SUSD6: variants seen among roughly 807,000 people sequenced by gnomAD.
SUSD6 encodes sushi domain-containing protein 6.
SUSD6 carries 16 observed loss-of-function variants against 28.4 expected under a neutral mutation model. That is an observed-to-expected ratio of 0.56 (90% CI 0.38 to 0.86). The LOEUF (loss-of-function observed/expected upper bound fraction) is 0.86. Among genes scored for constraint, SUSD6 ranks in the 40% least tolerant of loss-of-function variants. The probability of loss-of-function intolerance (pLI) is 0.00; values close to 1 mark genes in which losing one functional copy is unlikely to be tolerated. For missense variants in SUSD6, 341 were observed against 384.2 expected (o/e 0.89, Z 0.94); for synonymous variants, 147 against 159.6 (o/e 0.92, Z 0.59).
At chr14:69,627,116 G>A (rs1395751121) in intron 1 of SUSD6, among the ~76,000 whole-genome samples, 1 of 152,186 alleles carries the variant, frequency 6.6e-6, no homozygotes, top group Admixed American at 6.5e-5. Flanking sequence ...CATTGGAAAA[G>A]AAACCCTCCC....
chr14:69,622,731 T>C (rs921417157), intron 1 of SUSD6, among the ~76,000 whole-genome samples: 3 of 152,056 alleles, frequency 2.0e-5, no homozygotes, highest in Admixed American at 6.5e-5. Flanking sequence ...GTAGCTGGGA[T>C]TACAGGCGCC....
intron 2 of SUSD6, among the ~76,000 whole-genome samples, chr14:69,701,545 G>C (rs1205181897): frequency 6.6e-6 from 1 of 152,236 alleles, no homozygotes; most frequent in Non-Finnish European, 1.5e-5. Flanking sequence ...GGCTAAAGCA[G>C]TTTGCGGAGG....
Position 69,672,509 on chromosome 14 carries a change from C to A in SUSD6, c.121+13796C>A, listed in dbSNP as rs908890480. Reference sequence around the variant, plus strand: ...AAAGAACAGGGAAGCAGAGAGGGGGCTGGCAGATTTCTTCATTCTGTCCTA... The same window carrying A: ...AAAGAACAGGGAAGCAGAGAGGGGGATGGCAGATTTCTTCATTCTGTCCTA... On this transcript the variant is annotated intron_variant, in intron 2 of 5. Coordinates refer to ENST00000342745, the MANE Select transcript of SUSD6 (RefSeq NM_014734.4). Among the ~76,000 whole-genome samples, 11 of 152,272 alleles carry A rather than the reference C, an allele frequency of 7.2e-5. No homozygotes were observed. In the South Asian group the frequency reaches 2.3e-3, roughly 32 times the overall value.
rs1377420132 is a variant in SUSD6, at chr14:69,714,221, G to A, written c.*3242G>A. 6.6e-6 allele frequency: 1 copy of A among 152,180 alleles called. No homozygotes were observed. Among genetic ancestry groups the A allele is most frequent in the African/African-American group, 2.4e-5 (1 of 41,426 alleles). 9.4% of individuals were successfully genotyped at this position (152,180 alleles called of 1,614,324 possible). ...CTCCTCCCGCCAGCTTTAAAGTTCA[G>A]TGGAGAAGCCAGATGGCAATTCAGA... On this transcript the variant is annotated 3_prime_UTR_variant, in exon 6 of 6. Coordinates refer to ENST00000342745, the MANE Select transcript of SUSD6 (RefSeq NM_014734.4).
chr14:69,635,607 AC>A (rs1885253758), intron 1 of SUSD6, among the ~76,000 whole-genome samples: 1 of 120,628 alleles, frequency 8.3e-6, no homozygotes, highest in Non-Finnish European at 1.9e-5. Context: ...ACACACACAC[AC>A]ACACACACAC....
rs137958140 is a variant in SUSD6 at position 69,704,766 on chromosome 14, A to G, written c.458+24A>G. 75 of 1,610,746 alleles carry G rather than the reference A, an allele frequency of 4.7e-5. No homozygotes were observed. The African/African-American group carries it at 9.4e-4, about 20-fold the overall frequency. On this transcript the variant is annotated intron_variant, in intron 4 of 5. Coordinates refer to ENST00000342745, the MANE Select transcript of SUSD6 (RefSeq NM_014734.4). ...AGGTGAGTCCAGTGGCAGAGCTGAC[A>G]TGAGACAGGCAGGTGCAAGCATTAC...
Position 69,713,002 on chromosome 14 carries a change from CAG to C in SUSD6, c.*2025_*2026del, listed in dbSNP as rs1886487024. 6.6e-6 allele frequency: 1 copy of C among 152,292 alleles called. No individual in the cohort carries two copies. Among genetic ancestry groups the C allele is most frequent in the Non-Finnish European group, 1.5e-5 (1 of 68,108 alleles). 9.4% of individuals were successfully genotyped at this position (152,292 alleles called of 1,614,324 possible). On this transcript the variant is annotated 3_prime_UTR_variant, in exon 6 of 6. Transcript: ENST00000342745. ...GCAGTGCCCTTGTCTTCCTCCAAAA[CAG>C]AAAGCAGTGACAAAAGGGGGAGGGG...
At chr14:69,670,862 C>G (rs1885821435) in intron 2 of SUSD6, among the ~76,000 whole-genome samples, 1 of 152,252 alleles carries the variant, frequency 6.6e-6, no homozygotes, top group African/African-American at 2.4e-5. Context: ...CTGGGAACTT[C>G]CCATGTCACT....
chr14:69,686,744 G>A (rs1219561914), intron 2 of SUSD6, among the ~76,000 whole-genome samples: 1 of 152,152 alleles, frequency 6.6e-6, no homozygotes, highest in African/African-American at 2.4e-5. Flanking sequence ...CATGAGAACA[G>A]CATGGGAAAG....
At chr14:69,643,614 G>A (rs931708465) in intron 1 of SUSD6, among the ~76,000 whole-genome samples, 1 of 152,200 alleles carries the variant, frequency 6.6e-6, no homozygotes, top group African/African-American at 2.4e-5. Flanking sequence ...GCAAACAGCA[G>A]GTGCTTGGCT....
chr14:69,637,402 G>A (rs958620732), intron 1 of SUSD6, among the ~76,000 whole-genome samples: 4 of 152,126 alleles, frequency 2.6e-5, no homozygotes, highest in Non-Finnish European at 5.9e-5. Flanking sequence ...TGCTGGTGCA[G>A]CGCCTGGGAT....
intron 1 of SUSD6, among the ~76,000 whole-genome samples, chr14:69,623,058 C>T (rs1885064725): frequency 6.6e-6 from 1 of 152,158 alleles, no homozygotes; most frequent in South Asian, 2.1e-4. Flanking sequence ...AAATCAGACA[C>T]CGGTATGATA....
chr14:69,690,994 G>C (rs1886145514), intron 2 of SUSD6, among the ~76,000 whole-genome samples: 1 of 152,124 alleles, frequency 6.6e-6, no homozygotes, highest in Non-Finnish European at 1.5e-5. Context: ...GAATGTACAG[G>C]GCTCACTTCA....
chr14:69,682,794 G>A (rs1410592950), intron 2 of SUSD6, among the ~76,000 whole-genome samples: 1 of 152,190 alleles, frequency 6.6e-6, no homozygotes, highest in Non-Finnish European at 1.5e-5. Flanking sequence ...TGAAAACTAT[G>A]CTGAGTTCCA....
At chr14:69,690,252 C>T (rs1331560410) in intron 2 of SUSD6, among the ~76,000 whole-genome samples, 1 of 152,178 alleles carries the variant, frequency 6.6e-6, no homozygotes, top group Admixed American at 6.5e-5. Flanking sequence ...AGACTCTACT[C>T]CTGACTGTTA....
At chr14:69,676,610 G>A (rs976579248) in intron 2 of SUSD6, among the ~76,000 whole-genome samples, 4 of 152,144 alleles carry the variant, frequency 2.6e-5, no homozygotes, top group Admixed American at 1.3e-4. Flanking sequence ...GCCCAGGTGG[G>A]TCTTGAACTC....
At chr14:69,687,595 A>G (rs557063092) in intron 2 of SUSD6, among the ~76,000 whole-genome samples, 122 of 152,364 alleles carry the variant, frequency 8.0e-4, no homozygotes, top group African/African-American at 2.9e-3. Context: ...AACTGTGGGT[A>G]GGTAGAGTTG....
intron 2 of SUSD6, among the ~76,000 whole-genome samples, chr14:69,682,514 A>G (rs145807626): frequency 2.9e-3 from 437 of 152,302 alleles, no homozygotes; most frequent in African/African-American, 0.01. Context: ...AACCAAATGT[A>G]TGAAATACAA....
intron 1 of SUSD6, among the ~76,000 whole-genome samples, chr14:69,618,277 A>G (rs1263587380): frequency 6.6e-6 from 1 of 152,232 alleles, no homozygotes; most frequent in East Asian, 1.9e-4. Flanking sequence ...TGTAAATGAA[A>G]CATAAATGGA....
Sources: gnomAD v4.1 joint callset for allele counts (sites outside exome capture counted in the v4.1 genomes callset) on GRCh38, gnomAD v4.1.1 for gene constraint, MANE v1.5 for transcripts, NCBI Gene and HGNC (gene_info 2026-07-23, HGNC 2026-07-21) for gene names.